IBTK: variants seen among roughly 807,000 people sequenced by gnomAD.
IBTK encodes the protein inhibitor of Bruton tyrosine kinase.
A neutral mutation model predicts 154.9 loss-of-function variants in IBTK; 83 were observed. The observed-to-expected ratio is 0.54, with a 90% CI of 0.45 to 0.64. The LOEUF (loss-of-function observed/expected upper bound fraction) is 0.64, where lower values mean the gene tolerates loss of function less well. Among genes scored for constraint, IBTK ranks in the 30% least tolerant of loss-of-function variants. The probability of loss-of-function intolerance (pLI) is 0.00; values close to 1 mark genes in which losing one functional copy is unlikely to be tolerated. For synonymous variants in IBTK, 515 were observed against 536.1 expected, an observed-to-expected ratio of 0.96 and a Z score of 0.54; for missense variants, 1,332 against 1,584.6, an observed-to-expected ratio of 0.84 and a Z score of 2.71.
Position 82,217,944 on chromosome 6 carries a change from C to A in IBTK, c.1426+16G>T. 1 of 1,526,856 alleles carries A rather than the reference C, an allele frequency of 6.5e-7. No individual in the cohort carries two copies. The highest frequency in any genetic ancestry group is 1.3e-5 in the South Asian group (1 of 78,130). 94.6% of individuals were successfully genotyped at this position (1,526,856 alleles called of 1,614,324 possible). A position where few individuals can be genotyped will look rare whatever the true frequency, so the allele number is the denominator to read the frequency against. ...TTGAAAGGTACTTTTACGTATTGTT[C>A]AATATATGAACTGACCTTTCTTTTC... On this transcript the variant is annotated intron_variant, in intron 10 of 28. Transcript: ENST00000306270.
chr6:82,173,495 G>A, intron 26 of IBTK, 57 bp from the exon 27 acceptor site: 1 of 1,387,786 alleles, frequency 7.2e-7, no homozygotes, highest in Admixed American at 1.7e-5. Flanking sequence ...TAGTCAAACT[G>A]CTTATTAATA....
chr6:82,212,849 C>T, intron 12 of IBTK, 56 bp from the exon 13 acceptor site: 2 of 1,033,846 alleles, frequency 1.9e-6, no homozygotes, highest in Non-Finnish European at 3.0e-6. Flanking sequence ...AATAAACATA[C>T]AACAAAAAAT....
At chr6:82,212,261 C>T (rs1769681679) in intron 13 of IBTK, among the ~76,000 whole-genome samples, 2 of 152,168 alleles carry the variant, frequency 1.3e-5, no homozygotes, top group African/African-American at 4.8e-5. Context: ...GCTGAGATTA[C>T]AGGCGTGAGC....
At chr6:82,188,523 C>T (rs1385419399) in intron 25 of IBTK, among the ~76,000 whole-genome samples, 3 of 152,026 alleles carry the variant, frequency 2.0e-5, no homozygotes, top group South Asian at 2.1e-4. Flanking sequence ...ATACTTGTTG[C>T]GTGGTACATA....
At position 82,196,302 on chromosome 6, in the gene IBTK, A is replaced by G. The variant is rs1255610780; in HGVS notation, c.3170T>C (p.Ile1057Thr). Residue 1057 changes from isoleucine (I) to threonine (T), a missense_variant, in exon 22 of 29, where the codon ATT becomes ACT. Transcript: ENST00000306270. ...GTAGTGCTTCAAAAAACAAACCTCAATCTTATCTGAATGAAATCCTGTTGT... is the reference window on the plus strand; with the variant it reads ...GTAGTGCTTCAAAAAACAAACCTCAGTCTTATCTGAATGAAATCCTGTTGT... Reference protein sequence around the residue: ...DFTTGFHSDKIEAKVKPYVNG... With the variant: ...DFTTGFHSDKTEAKVKPYVNG... 3.1e-6 allele frequency: 5 copies of G among 1,602,842 alleles called. No homozygotes were observed. Among genetic ancestry groups the G allele is most frequent in the Non-Finnish European group, 8.5e-7 (1 of 1,175,738 alleles).
At chr6:82,180,445 G>T (rs1479227570) in intron 26 of IBTK, among the ~76,000 whole-genome samples, 2 of 152,042 alleles carry the variant, frequency 1.3e-5, no homozygotes, top group Non-Finnish European at 1.5e-5. Context: ...TAGAGACAGG[G>T]TTTCATCATG....
chr6:82,221,468 T>C (rs944160575), intron 8 of IBTK, among the ~76,000 whole-genome samples: 7 of 152,372 alleles, frequency 4.6e-5, no homozygotes, highest in Non-Finnish European at 8.8e-5. Context: ...TAAACAGATA[T>C]TGCTACCATG....
chr6:82,234,891 G>A (rs371499715), intron 2 of IBTK, among the ~76,000 whole-genome samples: 14 of 151,888 alleles, frequency 9.2e-5, no homozygotes, highest in East Asian at 2.0e-4. Flanking sequence ...ACGGAATCTC[G>A]CCTTTGTCGC....
intron 16 of IBTK, among the ~76,000 whole-genome samples, 153 bp downstream of exon 16, chr6:82,210,661 A>G (rs1415043107): frequency 6.6e-6 from 1 of 151,918 alleles, no homozygotes; most frequent in African/African-American, 2.4e-5. Flanking sequence ...CCCGGTCTCC[A>G]TAAATAATAA....
At chr6:82,178,551 C>G (rs1468378822) in intron 26 of IBTK, among the ~76,000 whole-genome samples, 2 of 152,160 alleles carry the variant, frequency 1.3e-5, no homozygotes, top group East Asian at 3.9e-4. Flanking sequence ...ACTCACTGAG[C>G]ACCCAATACA....
chr6:82,222,154 A>G (rs890271668), intron 8 of IBTK, among the ~76,000 whole-genome samples: 7 of 149,214 alleles, frequency 4.7e-5, no homozygotes, highest in Non-Finnish European at 8.9e-5. Flanking sequence ...TGGGCAACAG[A>G]GCAAGACAAT....
At position 82,240,466 on chromosome 6, in the gene IBTK, G is replaced by A. The variant is rs777403580; in HGVS notation, c.21C>T (p.Asp7=). MSSPMP[D]CTSKCRSLKH... ...TCAGGGATCGACACTTTGATGTGCA[G>A]TCAGGCATGGGTGAACTCATCCTAA... Residue 7 remains aspartate, a synonymous_variant, in exon 2 of 29, where the codon GAC becomes GAT. Coordinates refer to ENST00000306270, the MANE Select transcript of IBTK (RefSeq NM_015525.4). The A allele has an allele frequency of 1.2e-5, 20 of 1,613,174 alleles. No individual in the cohort carries two copies. The highest frequency in any genetic ancestry group is 1.4e-5 in the Non-Finnish European group (16 of 1,179,898).
chr6:82,176,176 T>G (rs1355183716), intron 26 of IBTK, among the ~76,000 whole-genome samples: 1 of 152,184 alleles, frequency 6.6e-6, no homozygotes, highest in Non-Finnish European at 1.5e-5. Flanking sequence ...AGATTGGAGC[T>G]GATATAATCA....
chr6:82,197,261 C>T (rs966541561), intron 21 of IBTK, among the ~76,000 whole-genome samples: 1 of 152,112 alleles, frequency 6.6e-6, no homozygotes, highest in Non-Finnish European at 1.5e-5. Flanking sequence ...ATCTCTTATA[C>T]ATTGTTCTCT....
intron 3 of IBTK, among the ~76,000 whole-genome samples, chr6:82,233,526 T>A (rs925663669): frequency 6.6e-6 from 1 of 152,124 alleles, no homozygotes; most frequent in Non-Finnish European, 1.5e-5. Flanking sequence ...TAAATATGGA[T>A]TGAAATTTTA....
chr6:82,210,233 CA>C (rs1222514400), intron 16 of IBTK: 4 of 151,360 alleles, frequency 2.6e-5, no homozygotes, highest in Admixed American at 2.0e-4. Context: ...AAGTATTTGT[CA>C]AAACTATCCC....
intron 9 of IBTK, among the ~76,000 whole-genome samples, chr6:82,218,765 G>A (rs958784515): frequency 2.0e-5 from 3 of 151,998 alleles, no homozygotes; most frequent in East Asian, 1.9e-4. Flanking sequence ...TTCATATACC[G>A]GTATTCCAAG....
chr6:82,221,378 G>C (rs1031116195), intron 8 of IBTK, among the ~76,000 whole-genome samples: 1 of 152,078 alleles, frequency 6.6e-6, no homozygotes, highest in African/African-American at 2.4e-5. Context: ...GCTCCTAAGT[G>C]CATCTCTATT....
At chr6:82,212,672 A>T in intron 13 of IBTK, 35 bp downstream of exon 13, 1 of 1,383,024 alleles carries the variant, frequency 7.2e-7, no homozygotes. Context: ...GCCAAAATCC[A>T]GACATGAAAT....
Sources: gnomAD v4.1 joint callset for allele counts (sites outside exome capture counted in the v4.1 genomes callset) on GRCh38, gnomAD v4.1.1 for gene constraint, MANE v1.5 for transcripts, NCBI Gene and HGNC (gene_info 2026-07-23, HGNC 2026-07-21) for gene names.